Variants in ANKRD27 observed in about 807,000 individuals in gnomAD.
ANKRD27 encodes ankyrin repeat domain-containing protein 27.
In ANKRD27, 112 loss-of-function variants were observed where a neutral mutation model predicts 129.7. The ratio of observed to expected loss-of-function variants is 0.86; its 90% CI spans 0.74 to 1.01. The LOEUF (loss-of-function observed/expected upper bound fraction) is 1.01. ANKRD27 is among the 50% of genes least tolerant of loss of function. ANKRD27 has a pLI of 0.00. For missense variants in ANKRD27, 1,258 were observed against 1,300.5 expected (o/e 0.97, Z 0.50); for synonymous variants, 516 against 511.2 (o/e 1.01, Z -0.13).
rs151160928 is a variant in ANKRD27, at chr19:32,605,619, G to A, written c.2493+216C>T. Among the ~76,000 whole-genome samples, 675 of 152,272 alleles carry A rather than the reference G, an allele frequency of 4.4e-3. 7 individuals are homozygous for A. Among genetic ancestry groups the A allele is most frequent in the African/African-American group, 0.016 (647 of 41,556 alleles). ...CCAAACCCTTGGCAAAAGCAGCGTC[G>A]GAGCCCTTGAGACCGCATCCCAGAT... On this transcript the variant is annotated intron_variant, in intron 24 of 28. Coordinates refer to ENST00000306065, the MANE Select transcript of ANKRD27 (RefSeq NM_032139.3).
At position 32,605,844 on chromosome 19, in the gene ANKRD27, C is replaced by A; in HGVS notation, c.2484G>T (p.Leu828=). ...CSGGHHELVA[L]LLQHGASINA... ...AGGAAGGGGCCCTCACCTGTAGCAGCAGTGCCACAAGCTCGTGATGGCCAC... is the reference window on the plus strand; with the variant it reads ...AGGAAGGGGCCCTCACCTGTAGCAGAAGTGCCACAAGCTCGTGATGGCCAC... The change falls in exon 24 of 29, where the codon CTG becomes CTT. Residue 828 remains leucine, a synonymous_variant. Coordinates refer to ENST00000306065, the MANE Select transcript of ANKRD27 (RefSeq NM_032139.3). 6.2e-7 allele frequency: 1 copy of A among 1,613,726 alleles called. No homozygotes were observed. Among genetic ancestry groups the A allele is most frequent in the Non-Finnish European group, 8.5e-7 (1 of 1,179,774 alleles).
At position 32,598,033 on chromosome 19, in the gene ANKRD27, T is replaced by G. The variant is rs1418837993; in HGVS notation, c.*112A>C. Reference sequence around the variant, plus strand: ...CTTTCAGGAACTTGGTGCTGAAGACTTCTCAAGCCAGTCTCATGGAAGCAC... The same window carrying G: ...CTTTCAGGAACTTGGTGCTGAAGACGTCTCAAGCCAGTCTCATGGAAGCAC... On this transcript the variant is annotated 3_prime_UTR_variant, in exon 29 of 29. Transcript: ENST00000306065. The G allele has an allele frequency of 4.9e-6, 5 of 1,021,544 alleles. No individual in the cohort carries two copies. The highest frequency in any genetic ancestry group is 2.1e-4 in the Middle Eastern group (1 of 4,762). 63.3% of individuals were successfully genotyped at this position (1,021,544 alleles called of 1,614,324 possible).
At chr19:32,637,718 C>T (rs1967118725) in intron 12 of ANKRD27, 1 of 152,360 alleles carries the variant, frequency 6.6e-6, no homozygotes, top group African/African-American at 2.4e-5. Flanking sequence ...CCAGGAATCT[C>T]TGCACTCTCA....
chr19:32,615,560 G>C, intron 22 of ANKRD27, 98 bp downstream of exon 22: 1 of 1,597,858 alleles, frequency 6.3e-7, no homozygotes, highest in Non-Finnish European at 8.6e-7. Flanking sequence ...CTCCGGCCTG[G>C]GTGACAGAAC....
At chr19:32,599,680 A>C in intron 28 of ANKRD27, 24 bp downstream of exon 28, 1 of 1,595,770 alleles carries the variant, frequency 6.3e-7, no homozygotes, top group African/African-American at 1.3e-5. Context: ...AAATATGATT[A>C]AAAGCCAGTG....
intron 11 of ANKRD27, among the ~76,000 whole-genome samples, chr19:32,639,912 T>C (rs769346065): frequency 3.3e-5 from 5 of 152,120 alleles, no homozygotes; most frequent in East Asian, 1.9e-4. Context: ...AGGTGTCCAA[T>C]TGAAGATGGG....
At chr19:32,625,623 G>A (rs1262389565) in intron 17 of ANKRD27, among the ~76,000 whole-genome samples, 4 of 151,836 alleles carry the variant, frequency 2.6e-5, no homozygotes, top group African/African-American at 9.7e-5. Flanking sequence ...TTGAGATGGG[G>A]GTTTCACCAT....
At chr19:32,633,748 G>T (rs964252742) in intron 12 of ANKRD27, among the ~76,000 whole-genome samples, 3 of 152,084 alleles carry the variant, frequency 2.0e-5, no homozygotes, top group Non-Finnish European at 4.4e-5. Flanking sequence ...TTGAGCAGGT[G>T]TGGTGGCTCA....
At chr19:32,650,362 G>A (rs1967389593) in intron 2 of ANKRD27, among the ~76,000 whole-genome samples, 2 of 152,166 alleles carry the variant, frequency 1.3e-5, no homozygotes, top group Admixed American at 1.3e-4. Flanking sequence ...GACCAGCCTG[G>A]CCAACATGGC....
chr19:32,608,191 T>G (rs1385715803), intron 22 of ANKRD27: 1 of 261,332 alleles, frequency 3.8e-6, no homozygotes, highest in South Asian at 3.9e-5. Context: ...TTTTTTTTTT[T>G]GTAGAGATGG....
At chr19:32,604,574 GA>G in intron 24 of ANKRD27, 150 bp from the exon 25 acceptor site, 4 of 790,616 alleles carry the variant, frequency 5.1e-6, no homozygotes, top group Non-Finnish European at 7.5e-6. Flanking sequence ...GTAATACTGA[GA>G]AAAAAAGATT....
intron 12 of ANKRD27, among the ~76,000 whole-genome samples, chr19:32,635,223 T>C (rs1967067561): frequency 6.6e-6 from 1 of 152,108 alleles, no homozygotes; most frequent in Non-Finnish European, 1.5e-5. Flanking sequence ...GAGTGATTCC[T>C]CTGCAGGGCA....
intron 23 of ANKRD27, 107 bp downstream of exon 23, chr19:32,607,528 A>C: frequency 7.6e-7 from 1 of 1,316,446 alleles, no homozygotes. Flanking sequence ...TCGGGGGAGC[A>C]GTGTCCTCCA....
chr19:32,626,072 T>C, intron 16 of ANKRD27, 106 bp from the exon 17 acceptor site: 2 of 764,046 alleles, frequency 2.6e-6, no homozygotes, highest in East Asian at 3.0e-5. Context: ...TTCGATCTTA[T>C]TTATGCTACT....
chr19:32,612,948 T>C (rs1407851427), intron 22 of ANKRD27, among the ~76,000 whole-genome samples: 1 of 152,182 alleles, frequency 6.6e-6, no homozygotes, highest in Non-Finnish European at 1.5e-5. Flanking sequence ...ACAAATGAGA[T>C]GTCTAAAAAC....
chr19:32,649,913 C>A, intron 2 of ANKRD27, 121 bp from the exon 3 acceptor site: 1 of 706,230 alleles, frequency 1.4e-6, no homozygotes, highest in South Asian at 1.6e-5. Flanking sequence ...AGAGAGAACG[C>A]CCGAGGTCCC....
rs1967263004 is a variant in ANKRD27 at position 32,644,420 on chromosome 19, ACT to A, written c.428_429del (p.Glu143ValfsTer10). On this transcript the variant is annotated frameshift_variant, in exon 5 of 29. Coordinates refer to ENST00000306065, the MANE Select transcript of ANKRD27 (RefSeq NM_032139.3). LOFTEE classifies it high-confidence loss of function. Reference protein sequence around the residue: ...FSLKTIEDVREFLGRHSERFD... With the variant: ...FSLKTIEDVRXFLGRHSERFD... ...AATCGCTCGGAGTGTCTTCCCAAGAACTCTCTCACATCTTCAATGGTTTTCAG... is the reference window on the plus strand; with the variant it reads ...AATCGCTCGGAGTGTCTTCCCAAGAACTCTCACATCTTCAATGGTTTTCAG... 5 of 1,613,968 alleles carry A rather than the reference ACT, an allele frequency of 3.1e-6. No individual in the cohort carries two copies. The highest frequency in any genetic ancestry group is 4.2e-6 in the Non-Finnish European group (5 of 1,179,978).
chr19:32,672,484 C>T (rs1419260021), intron 1 of ANKRD27, among the ~76,000 whole-genome samples: 2 of 152,198 alleles, frequency 1.3e-5, no homozygotes, highest in African/African-American at 4.8e-5. Flanking sequence ...GAAGCCCCAG[C>T]TCCCAGGGAG....
At chr19:32,624,841 G>A (rs989276809) in intron 17 of ANKRD27, among the ~76,000 whole-genome samples, 16 of 152,128 alleles carry the variant, frequency 1.1e-4, no homozygotes, top group African/African-American at 3.6e-4. Flanking sequence ...AGCTGAGGTG[G>A]GAGGATGGCT....
Sources: allele counts gnomAD v4.1 joint callset (sites outside exome capture counted in the v4.1 genomes callset), GRCh38; gene constraint gnomAD v4.1.1; transcripts MANE v1.5; gene names NCBI Gene and HGNC (gene_info 2026-07-23, HGNC 2026-07-21).